The following DNAI3 variants were observed in gnomAD, a reference collection of about 807,000 sequenced individuals.
The protein encoded by DNAI3 is WD repeat domain 63.
Under a neutral mutation model 115.5 loss-of-function variants are expected in DNAI3, and 83 were observed. The observed-to-expected ratio is 0.72, with a 90% confidence interval of 0.60 to 0.86. The LOEUF (loss-of-function observed/expected upper bound fraction) is 0.86. Among genes scored for constraint, DNAI3 ranks in the 40% least tolerant of loss-of-function variants. The probability of loss-of-function intolerance (pLI) is 0.00; values close to 1 mark genes in which losing one functional copy is unlikely to be tolerated. For synonymous variants in DNAI3, 320 were observed against 347.0 expected (o/e 0.92, Z 0.86); for missense variants, 1,004 against 1,075.8 (o/e 0.93, Z 0.93).
chr1:85,131,936 T>A (rs1249875002), intron 22 of DNAI3, among the ~76,000 whole-genome samples: 2 of 152,242 alleles, frequency 1.3e-5, no homozygotes, highest in African/African-American at 4.8e-5. Context: ...CGTTCCCAAC[T>A]TCTTGTAACT....
chr1:85,077,834 A>C (rs1014187882), intron 3 of DNAI3, among the ~76,000 whole-genome samples: 2 of 152,084 alleles, frequency 1.3e-5, no homozygotes, highest in African/African-American at 4.8e-5. Flanking sequence ...ATTATAACTC[A>C]GCAAAGCTGT....
chr1:85,102,709 A>G (rs1655363566), intron 13 of DNAI3, among the ~76,000 whole-genome samples: 1 of 152,230 alleles, frequency 6.6e-6, no homozygotes, highest in Non-Finnish European at 1.5e-5. Flanking sequence ...TTCCAATTTT[A>G]GAGAATTCAT....
chr1:85,081,161 G>A (rs911969821), intron 3 of DNAI3, 73 bp from the exon 4 acceptor site: 6 of 1,218,184 alleles, frequency 4.9e-6, no homozygotes, highest in East Asian at 2.8e-5. Flanking sequence ...AAAACCAAGC[G>A]ATTGCATGTT....
intron 15 of DNAI3, among the ~76,000 whole-genome samples, chr1:85,108,994 A>G (rs749451573): frequency 6.6e-6 from 1 of 152,218 alleles, no homozygotes; most frequent in Admixed American, 6.5e-5. Context: ...AATTCTGCCT[A>G]TCAAAATTTT....
intron 11 of DNAI3, among the ~76,000 whole-genome samples, chr1:85,096,238 A>C (rs904637749): frequency 6.6e-6 from 1 of 152,126 alleles, no homozygotes; most frequent in African/African-American, 2.4e-5. Context: ...TCAAAACTGA[A>C]ACAGAATTGG....
chr1:85,131,376 G>C (rs1049282681), intron 22 of DNAI3, among the ~76,000 whole-genome samples: 1 of 150,610 alleles, frequency 6.6e-6, no homozygotes. Context: ...CCTGGGAGGC[G>C]GAGGTTATGG....
chr1:85,094,005 G>A (rs1203519843), intron 9 of DNAI3: 7 of 440,436 alleles, frequency 1.6e-5, no homozygotes, highest in Non-Finnish European at 2.2e-5. Flanking sequence ...CTGATTACTA[G>A]ACAAGAGAGG....
At chr1:85,113,693 T>C (rs926855594) in intron 16 of DNAI3, among the ~76,000 whole-genome samples, 2 of 152,086 alleles carry the variant, frequency 1.3e-5, no homozygotes, top group East Asian at 1.9e-4. Context: ...TGCTTTTCCA[T>C]GTGAATTTTA....
At chr1:85,093,383 G>A (rs1025326091) in intron 8 of DNAI3, 75 bp from the exon 9 acceptor site, 5 of 1,298,560 alleles carry the variant, frequency 3.9e-6, no homozygotes, top group East Asian at 2.4e-5. Flanking sequence ...GAAGGAGGAG[G>A]AGTTGCTAAG....
At position 85,071,984 on chromosome 1, in the gene DNAI3, A is replaced by C; in HGVS notation, c.43A>C (p.Arg15=). 1 of 1,612,896 alleles carries C rather than the reference A, an allele frequency of 6.2e-7. No homozygotes were observed. The highest frequency in any genetic ancestry group is 8.5e-7 in the Non-Finnish European group (1 of 1,179,784). The change falls in exon 2 of 23, where the codon AGA becomes CGA. Residue 15 remains arginine (R), a synonymous_variant. Coordinates refer to ENST00000294664, the MANE Select transcript of DNAI3 (RefSeq NM_145172.5). ...GAAAAAGACATCACGTGGCAAAAAA[A>C]GACTAAAACCAGTATTAGCTGGTAG... ...QKKKTSRGKK[R]LKPVLAASED...
chr1:85,118,708 C>T (rs1413233949), intron 17 of DNAI3, among the ~76,000 whole-genome samples: 1 of 152,150 alleles, frequency 6.6e-6, no homozygotes, highest in East Asian at 1.9e-4. Context: ...AGCATGGTCC[C>T]TCTCTCCTCA....
intron 1 of DNAI3, among the ~76,000 whole-genome samples, chr1:85,071,426 T>C (rs1336768050): frequency 6.6e-6 from 1 of 152,200 alleles, no homozygotes; most frequent in Non-Finnish European, 1.5e-5. Flanking sequence ...AAGGCCTTAG[T>C]GGTTTTGTGT....
intron 21 of DNAI3, among the ~76,000 whole-genome samples, chr1:85,129,054 T>A (rs1400802116): frequency 6.6e-6 from 1 of 152,174 alleles, no homozygotes; most frequent in African/African-American, 2.4e-5. Flanking sequence ...TGGGGATTCA[T>A]AATCAGAAAA....
intron 16 of DNAI3, 28 bp from the exon 17 acceptor site, chr1:85,117,701 A>G: frequency 6.2e-7 from 1 of 1,606,312 alleles, no homozygotes; most frequent in Non-Finnish European, 8.5e-7. Flanking sequence ...GTAAATATGT[A>G]CTTCTTCTAC....
chr1:85,105,673 T>C (rs1256996238), intron 14 of DNAI3, among the ~76,000 whole-genome samples: 1 of 152,218 alleles, frequency 6.6e-6, no homozygotes, highest in Non-Finnish European at 1.5e-5. Context: ...AGCTAGTAAG[T>C]AATGACATTC....
intron 2 of DNAI3, 134 bp from the exon 3 acceptor site, chr1:85,072,920 C>T (rs4907022): frequency 9.8e-6 from 4 of 407,582 alleles, no homozygotes; most frequent in Non-Finnish European, 1.7e-5. Context: ...GCGCCACTGC[C>T]CTCCAGCCTG....
intron 18 of DNAI3, 119 bp downstream of exon 18, chr1:85,121,933 G>A: frequency 2.0e-6 from 2 of 1,001,554 alleles, no homozygotes; most frequent in Non-Finnish European, 3.0e-6. Flanking sequence ...AGGCTCCTAA[G>A]GTACTGACTA....
chr1:85,107,344 G>A (rs1370548588), intron 14 of DNAI3, among the ~76,000 whole-genome samples: 2 of 152,150 alleles, frequency 1.3e-5, no homozygotes, highest in South Asian at 2.1e-4. Flanking sequence ...TTTATCAAAT[G>A]TACTGATGAG....
At chr1:85,073,147 A>G in intron 3 of DNAI3, 55 bp downstream of exon 3, 1 of 1,306,146 alleles carries the variant, frequency 7.7e-7, no homozygotes, top group Non-Finnish European at 1.0e-6. Flanking sequence ...TATTTTAATA[A>G]TGCAATAAGC....
Sources: gnomAD v4.1 joint callset for allele counts (sites outside exome capture counted in the v4.1 genomes callset) on GRCh38, gnomAD v4.1.1 for gene constraint, MANE v1.5 for transcripts, NCBI Gene and HGNC (gene_info 2026-07-23, HGNC 2026-07-21) for gene names.